SMYD3: variants seen among roughly 807,000 people sequenced by gnomAD.
SMYD3 encodes the protein SET and MYND domain containing 3, also known as histone-lysine N-methyltransferase SMYD3.
In SMYD3, 36 loss-of-function variants were observed where a neutral mutation model predicts 57.7. That is an observed-to-expected ratio of 0.62 (90% confidence interval 0.48 to 0.82). The LOEUF is 0.82. Among genes scored for constraint, SMYD3 ranks in the 40% least tolerant of loss-of-function variants. The pLI, the probability that SMYD3 is intolerant of heterozygous loss-of-function variation, is 0.00. For synonymous variants in SMYD3, 211 were observed against 195.0 expected (o/e 1.08, Z -0.68); for missense variants, 515 against 538.8 (o/e 0.96, Z 0.44).
chr1:246,109,083 G>A (rs796946325), intron 5 of SMYD3, among the ~76,000 whole-genome samples: 9 of 152,170 alleles, frequency 5.9e-5, no homozygotes, highest in African/African-American at 2.2e-4. Flanking sequence ...TAGACTGTGA[G>A]CCCCTGGAGT....
At chr1:245,751,492 C>T (rs998599450) in intron 11 of SMYD3, among the ~76,000 whole-genome samples, 24 of 150,214 alleles carry the variant, frequency 1.6e-4, no homozygotes, top group African/African-American at 5.9e-4. Flanking sequence ...GGAAAACAGG[C>T]AGACAGAGGG....
intron 10 of SMYD3, among the ~76,000 whole-genome samples, chr1:245,811,929 C>CT (rs2048491856): frequency 6.6e-6 from 1 of 152,322 alleles, no homozygotes; most frequent in South Asian, 2.1e-4. Context: ...GAACATGGGT[C>CT]TGTGTCCACT....
At chr1:245,789,593 G>A (rs2047182194) in intron 10 of SMYD3, among the ~76,000 whole-genome samples, 1 of 152,110 alleles carries the variant, frequency 6.6e-6, no homozygotes, top group South Asian at 2.1e-4. Flanking sequence ...ACAATTGTGT[G>A]GTCTGTATTC....
chr1:246,044,217 A>T (rs2059925209), intron 5 of SMYD3, among the ~76,000 whole-genome samples: 1 of 152,216 alleles, frequency 6.6e-6, no homozygotes, highest in Non-Finnish European at 1.5e-5. Flanking sequence ...GTGCAAAAAA[A>T]AATTCATTAC....
intron 5 of SMYD3, among the ~76,000 whole-genome samples, chr1:245,958,689 G>T (rs1463901131): frequency 6.6e-6 from 1 of 152,156 alleles, no homozygotes; most frequent in East Asian, 1.9e-4. Flanking sequence ...GTTATTCCTA[G>T]AAAGAAGAAG....
intron 5 of SMYD3, among the ~76,000 whole-genome samples, chr1:246,021,855 G>A (rs541196398): frequency 6.6e-6 from 1 of 152,334 alleles, no homozygotes; most frequent in African/African-American, 2.4e-5. Context: ...ATGTGATATT[G>A]AGCATAGGAT....
chr1:245,790,781 G>A (rs1335772375), intron 10 of SMYD3, among the ~76,000 whole-genome samples: 1 of 152,168 alleles, frequency 6.6e-6, no homozygotes, highest in East Asian at 1.9e-4. Context: ...TCAAATTTGA[G>A]ACTGAGTTGT....
At chr1:245,761,242 C>T (rs1262889671) in intron 11 of SMYD3, among the ~76,000 whole-genome samples, 1 of 152,110 alleles carries the variant, frequency 6.6e-6, no homozygotes. Context: ...AGGGTGTATG[C>T]CTGAGCTTCA....
At chr1:245,761,138 C>A (rs1178875649) in intron 11 of SMYD3, among the ~76,000 whole-genome samples, 1 of 152,126 alleles carries the variant, frequency 6.6e-6, no homozygotes, top group East Asian at 1.9e-4. Flanking sequence ...TGTAGAGACA[C>A]ACAGCAAGTT....
At chr1:246,409,332 CATCTTG>C (rs2066922296) in intron 1 of SMYD3, among the ~76,000 whole-genome samples, 1 of 152,050 alleles carries the variant, frequency 6.6e-6, no homozygotes, top group Non-Finnish European at 1.5e-5. Flanking sequence ...GTCTTTAATC[CATCTTG>C]AATTAATTTT....
chr1:246,335,450 G>A lies in SMYD3; in HGVS notation c.253C>T (p.Arg85Trp), dbSNP rs1306095883. ...CQKKAWPDHK[R>W]ECKCLKSCKP... The stretch of plus-strand genomic sequence containing the variant: ...CAGCTTTTAAGGCATTTGCATTCCC[G>A]CTTGTGGTCTGGCCAAGCTTTTTTC... The change falls in exon 3 of 12, where the codon CGG becomes TGG. Residue 85 changes from arginine (R) to tryptophan (W), a missense_variant. By Grantham distance (101) the Arg-to-Trp change is moderately radical. Transcript: ENST00000490107. The A allele has an allele frequency of 1.4e-5, 22 of 1,613,958 alleles. No homozygotes were observed. The highest frequency in any genetic ancestry group is 4.4e-5 in the South Asian group (4 of 91,084).
At chr1:245,812,805 G>A (rs1188582735) in intron 10 of SMYD3, among the ~76,000 whole-genome samples, 1 of 151,776 alleles carries the variant, frequency 6.6e-6, no homozygotes, top group African/African-American at 2.4e-5. Context: ...GAGTGGGCTG[G>A]GAGGGAAGGC....
At chr1:246,354,650 CT>C (rs11338402) in intron 2 of SMYD3, among the ~76,000 whole-genome samples, 139,789 of 148,630 alleles carry the variant, frequency 0.94, 65,751 homozygotes, top group East Asian at 1. Context: ...TAAACTATAT[CT>C]TTTTTTTTTT....
At chr1:246,238,873 A>C (rs2063554036) in intron 5 of SMYD3, among the ~76,000 whole-genome samples, 1 of 150,822 alleles carries the variant, frequency 6.6e-6, no homozygotes, top group Admixed American at 6.6e-5. Flanking sequence ...TTTTTGGTTC[A>C]AAGTTATTTT....
chr1:246,503,297 G>A (rs899974928), intron 1 of SMYD3, among the ~76,000 whole-genome samples: 40 of 152,176 alleles, frequency 2.6e-4, no homozygotes, highest in Non-Finnish European at 4.7e-4. Context: ...TGCCAGATGA[G>A]CTATTCTCTT....
intron 5 of SMYD3, among the ~76,000 whole-genome samples, chr1:246,002,484 A>T (rs2059084977): frequency 1.8e-5 from 1 of 55,652 alleles, no homozygotes; most frequent in African/African-American, 6.0e-5. Context: ...ACGCCCGGCT[A>T]ATTTTTTGTA....
intron 5 of SMYD3, among the ~76,000 whole-genome samples, chr1:246,256,194 G>A (rs1352118438): frequency 1.3e-5 from 2 of 152,100 alleles, no homozygotes; most frequent in Non-Finnish European, 2.9e-5. Context: ...GAAAGATGTG[G>A]GCTGGGAGGC....
intron 5 of SMYD3, among the ~76,000 whole-genome samples, chr1:246,199,796 GA>G (rs2062881357): frequency 6.6e-6 from 1 of 152,164 alleles, no homozygotes; most frequent in Non-Finnish European, 1.5e-5. Context: ...GATGCTGAGC[GA>G]GAATGTACAC....
At chr1:246,483,677 C>G (rs2103062215) in intron 1 of SMYD3, 1 of 152,194 alleles carries the variant, frequency 6.6e-6, no homozygotes, top group African/African-American at 2.4e-5. Flanking sequence ...CATAAGCTTT[C>G]TTAAAAGAGA....
Sources: allele counts gnomAD v4.1 joint callset (sites outside exome capture counted in the v4.1 genomes callset), GRCh38; gene constraint gnomAD v4.1.1; transcripts MANE v1.5; gene names NCBI Gene and HGNC (gene_info 2026-07-23, HGNC 2026-07-21).